The following TENM1 variants were observed in gnomAD, a reference collection of about 807,000 sequenced individuals.
TENM1 encodes teneurin transmembrane protein 1.
A neutral mutation model predicts 174.8 loss-of-function variants in TENM1; 35 were observed. The ratio of observed to expected loss-of-function variants is 0.20; its 90% confidence interval spans 0.15 to 0.27. The LOEUF (loss-of-function observed/expected upper bound fraction) is 0.27, where lower values mean the gene tolerates loss of function less well. Among genes scored for constraint, TENM1 ranks in the 10% least tolerant of loss-of-function variants. The pLI is 1.00. For synonymous variants in TENM1, 781 were observed against 798.7 expected, an observed-to-expected ratio of 0.98 and a Z score of 0.37; for missense variants, 1,633 against 2,130.1, an observed-to-expected ratio of 0.77 and a Z score of 4.59.
At chrX:124,979,184 T>A in the TENM1 span, among the ~76,000 whole-genome samples, 3 of 112,878 alleles carry the variant, frequency 2.7e-5, no homozygotes. Context: ...GGCCTAATCA[T>A]CATAGATTCC....
chrX:124,810,595 T>G (rs189434606), intron 3 of TENM1, among the ~76,000 whole-genome samples: 2 of 111,824 alleles, frequency 1.8e-5, no homozygotes, highest in African/African-American at 6.5e-5. Context: ...ATTCAAAGAC[T>G]TAATACTTTA....
chrX:124,564,442 C>T (rs375408694), intron 12 of TENM1, among the ~76,000 whole-genome samples: 333 of 111,685 alleles, frequency 3.0e-3, no homozygotes, highest in African/African-American at 9.9e-3. Context: ...AGGGAAAAGC[C>T]TACAAACAAT....
At chrX:124,819,800 CT>C (rs201506826) in intron 3 of TENM1, among the ~76,000 whole-genome samples, 147 of 102,147 alleles carry the variant, frequency 1.4e-3, no homozygotes, top group Middle Eastern at 5.1e-3. Flanking sequence ...CTTTCCTTTC[CT>C]TTTTTTTTTT....
At chrX:125,200,395 T>G in the TENM1 span, among the ~76,000 whole-genome samples, 1 of 111,108 alleles carries the variant, frequency 9.0e-6, no homozygotes, top group Non-Finnish European at 1.9e-5. Context: ...TATATGCTGT[T>G]GGTCACAATT....
intron 1 of TENM1, among the ~76,000 whole-genome samples, chrX:124,920,199 G>T (rs1199730090): frequency 9.0e-6 from 1 of 111,315 alleles, no homozygotes; most frequent in African/African-American, 3.3e-5. Context: ...TTTATTGTTT[G>T]AAAAATGCAG....
chrX:124,454,531 A>G (rs1450579073), intron 22 of TENM1, among the ~76,000 whole-genome samples: 2 of 110,692 alleles, frequency 1.8e-5, no homozygotes, highest in African/African-American at 6.6e-5. Context: ...AGCCTCCCAA[A>G]TAGCTAGGAT....
At chrX:125,168,640 G>A in the TENM1 span, among the ~76,000 whole-genome samples, 542 of 111,179 alleles carry the variant, frequency 4.9e-3, 5 homozygotes, top group African/African-American at 0.016. Flanking sequence ...TTAAAAGGGG[G>A]TTAAAGTCAC....
At chrX:124,866,698 G>A (rs1303163821) in intron 3 of TENM1, among the ~76,000 whole-genome samples, 1 of 110,602 alleles carries the variant, frequency 9.0e-6, no homozygotes, top group Non-Finnish European at 1.9e-5. Flanking sequence ...AAACTGAAAT[G>A]AAAAACAATA....
At chrX:124,540,066 A>T (rs901631477) in intron 15 of TENM1, among the ~76,000 whole-genome samples, 1 of 112,204 alleles carries the variant, frequency 8.9e-6, no homozygotes, top group Non-Finnish European at 1.9e-5. Flanking sequence ...TAGAAATCTG[A>T]TGTTCCATGA....
At chrX:124,952,960 C>G (rs2058512981) in intron 1 of TENM1, among the ~76,000 whole-genome samples, 1 of 111,566 alleles carries the variant, frequency 9.0e-6, no homozygotes, top group Non-Finnish European at 1.9e-5. Flanking sequence ...AGAATATTGT[C>G]AAGGTCTCAA....
chrX:124,792,750 G>A, intron 3 of TENM1, among the ~76,000 whole-genome samples: 1 of 112,172 alleles, frequency 8.9e-6, no homozygotes, highest in Non-Finnish European at 1.9e-5. Context: ...TTAAAAATCA[G>A]TTGATTACAG....
chrX:124,928,924 G>A (rs1055917568), intron 1 of TENM1, among the ~76,000 whole-genome samples: 2 of 111,629 alleles, frequency 1.8e-5, no homozygotes, highest in African/African-American at 3.3e-5. Context: ...GGTTTTCAAA[G>A]TACTTTGATA....
intron 27 of TENM1, among the ~76,000 whole-genome samples, chrX:124,401,863 C>T (rs957672751): frequency 4.5e-5 from 5 of 112,002 alleles, no homozygotes; most frequent in Admixed American, 1.9e-4. Context: ...GCTTTTCCTG[C>T]CTGGAAGCCA....
At chrX:124,693,748 T>C (rs1461493733) in intron 5 of TENM1, among the ~76,000 whole-genome samples, 8 of 111,338 alleles carry the variant, frequency 7.2e-5, no homozygotes, top group Non-Finnish European at 3.8e-5. Flanking sequence ...TGGGGTTGGC[T>C]ATTAGAAGTT....
At chrX:124,947,876 A>T (rs1373612363) in intron 1 of TENM1, among the ~76,000 whole-genome samples, 1 of 112,180 alleles carries the variant, frequency 8.9e-6, no homozygotes, top group Non-Finnish European at 1.9e-5. Context: ...GGAAGAAAAA[A>T]AATCCCTTGG....
At chrX:124,499,414 T>G (rs1462978517) in intron 19 of TENM1, among the ~76,000 whole-genome samples, 1 of 111,622 alleles carries the variant, frequency 9.0e-6, no homozygotes, top group East Asian at 2.8e-4. Context: ...GATTTCAAAT[T>G]TAAGCATTTT....
At chrX:125,057,133 T>G in the TENM1 span, among the ~76,000 whole-genome samples, 1 of 112,019 alleles carries the variant, frequency 8.9e-6, no homozygotes, top group Admixed American at 9.5e-5. Context: ...TCTCTCATTT[T>G]TATGCATATA....
chrX:124,566,314 T>A (rs1424038819), intron 11 of TENM1, among the ~76,000 whole-genome samples: 1 of 112,516 alleles, frequency 8.9e-6, no homozygotes, highest in African/African-American at 3.2e-5. Flanking sequence ...ATCCTTCTTA[T>A]CTTCAAATGC....
chrX:124,420,745 A>G, exon 25 of TENM1: 2 of 1,211,458 alleles, frequency 1.7e-6, no homozygotes, highest in Non-Finnish European at 2.2e-6. Context: ...GGTCTGCCAC[A>G]TAGAGGGTTC....
Sources: gnomAD v4.1 joint callset for allele counts (sites outside exome capture counted in the v4.1 genomes callset) on GRCh38, gnomAD v4.1.1 for gene constraint, MANE v1.5 for transcripts, NCBI Gene and HGNC (gene_info 2026-07-23, HGNC 2026-07-21) for gene names.